The following TRAP1 variants were observed in gnomAD, a reference collection of about 807,000 sequenced individuals.
TRAP1 encodes the protein heat shock protein 75 kDa, mitochondrial.
In TRAP1, 102 loss-of-function variants were observed where a neutral mutation model predicts 89.1. That is an observed-to-expected ratio of 1.15 (90% CI 0.98 to 1.35). TRAP1 has a LOEUF of 1.35. Among genes scored for constraint, TRAP1 ranks in the 40% most tolerant of loss-of-function variants. The pLI, the probability that TRAP1 is intolerant of heterozygous loss-of-function variation, is 0.00. For synonymous variants in TRAP1, 508 were observed against 388.0 expected (o/e 1.31, Z -3.64); for missense variants, 1,256 against 945.3 (o/e 1.33, Z -4.31).
Position 3,679,873 on chromosome 16 carries a change from T to A in TRAP1, c.472-83A>T, listed in dbSNP as rs1034528932. On this transcript the variant is annotated intron_variant, in intron 4 of 17. Transcript: ENST00000246957. Reference sequence around the variant, plus strand: ...GCACCAGCAGTCCCAGGGACTCAAGTGGTGTCAATGACATTGGCCAGACAG... The same window carrying A: ...GCACCAGCAGTCCCAGGGACTCAAGAGGTGTCAATGACATTGGCCAGACAG... 2.2e-6 allele frequency: 3 copies of A among 1,380,606 alleles called. No individual in the cohort carries two copies. In the African/African-American group the frequency reaches 4.3e-5, roughly 20 times the overall value. The allele number at this position is 1,380,606 out of a possible 1,614,324, so 85.5% of individuals were successfully genotyped here. A position where few individuals can be genotyped will look rare whatever the true frequency, so the allele number is the denominator to read the frequency against.
chr16:3,666,467 C>A (rs1230567833), intron 11 of TRAP1, among the ~76,000 whole-genome samples: 3 of 151,936 alleles, frequency 2.0e-5, no homozygotes, highest in Admixed American at 2.0e-4. Context: ...GATTTATGTA[C>A]CAGGATTTTC....
At chr16:3,671,820 G>C in intron 10 of TRAP1, 29 bp from the exon 11 acceptor site, 1 of 1,607,794 alleles carries the variant, frequency 6.2e-7, no homozygotes, top group Non-Finnish European at 8.5e-7. Context: ...AGCTTCTCCC[G>C]GGGCTGCGGC....
intron 13 of TRAP1, 39 bp from the exon 14 acceptor site, chr16:3,663,601 G>GCC (rs774493428): frequency 1.2e-6 from 2 of 1,610,294 alleles, no homozygotes; most frequent in Admixed American, 1.7e-5. Context: ...GACCCCGGGG[G>GCC]CCTCCAGCCA....
chr16:3,715,852 G>A (rs2051591479), intron 1 of TRAP1, among the ~76,000 whole-genome samples: 1 of 152,098 alleles, frequency 6.6e-6, no homozygotes, highest in South Asian at 2.1e-4. Context: ...ATCACTTTCT[G>A]AGGGAAAATT....
At chr16:3,692,872 T>C (rs1207133110) in intron 1 of TRAP1, among the ~76,000 whole-genome samples, 6 of 152,164 alleles carry the variant, frequency 3.9e-5, no homozygotes. Context: ...GTGCTAGGAT[T>C]ACAGGCATGA....
At chr16:3,699,170 G>A (rs1362131046) in intron 1 of TRAP1, among the ~76,000 whole-genome samples, 1 of 152,004 alleles carries the variant, frequency 6.6e-6, no homozygotes, top group Non-Finnish European at 1.5e-5. Flanking sequence ...TGCCCATGCA[G>A]CTCCTCCACT....
chr16:3,709,255 G>T (rs575109123), intron 1 of TRAP1, among the ~76,000 whole-genome samples: 1 of 149,504 alleles, frequency 6.7e-6, no homozygotes, highest in Non-Finnish European at 1.5e-5. Context: ...AAAGAAAAAG[G>T]CCATTGGTTC....
In TRAP1 at chr16:3,662,960, C is replaced by T. The variant is rs1244689018; in HGVS notation, c.1716G>A (p.Glu572=). The change falls in exon 15 of 18, where the codon GAG becomes GAA. Residue 572 remains glutamate (E), a synonymous_variant. Transcript: ENST00000246957. ...EKFEDRSPAA[E]CLSEKETEEL... The stretch of plus-strand genomic sequence containing the variant: ...CCTCCGTCTCCTTCTCTGATAGGCA[C>T]TCGGCGGCTGCGGAAGAGCAGGCGA... The T allele has an allele frequency of 1.2e-6, 2 of 1,609,914 alleles. No homozygotes were observed. Among genetic ancestry groups the T allele is most frequent in the Non-Finnish European group, 1.7e-6 (2 of 1,179,804 alleles).
chr16:3,691,032 G>C (rs2051207608), intron 1 of TRAP1, 47 bp from the exon 2 acceptor site: 2 of 1,407,016 alleles, frequency 1.4e-6, no homozygotes, highest in Non-Finnish European at 1.9e-6. Context: ...GAAGACACGA[G>C]AAACAATATG....
chr16:3,675,491 G>C, intron 7 of TRAP1, 94 bp from the exon 8 acceptor site: 3 of 1,237,184 alleles, frequency 2.4e-6, no homozygotes, highest in Non-Finnish European at 3.5e-6. Context: ...AGCCTGCTGG[G>C]AAGGGTCCTC....
At chr16:3,700,289 T>A (rs1240478576) in intron 1 of TRAP1, among the ~76,000 whole-genome samples, 2 of 150,094 alleles carry the variant, frequency 1.3e-5, no homozygotes, top group Non-Finnish European at 3.0e-5. Context: ...TGCCTCAGCC[T>A]CCCGAGTAGC....
At chr16:3,663,001 TGCATCCC>T (rs778879957) in intron 14 of TRAP1, 34 bp from the exon 15 acceptor site, 1 of 1,544,492 alleles carries the variant, frequency 6.5e-7, no homozygotes, top group Non-Finnish European at 8.7e-7. Flanking sequence ...AGCTCAGGCC[TGCATCCC>T]AACTCCCCGG....
At chr16:3,705,953 A>G (rs1245276386) in intron 1 of TRAP1, among the ~76,000 whole-genome samples, 2 of 150,736 alleles carry the variant, frequency 1.3e-5, no homozygotes, top group African/African-American at 4.9e-5. Flanking sequence ...TCGGCCTCCC[A>G]AAGTGCTGGG....
Position 3,710,875 on chromosome 16 carries a change from A to ATTTTTT in TRAP1, c.88+6545_88+6546insAAAAAA, listed in dbSNP as rs1463164560. On this transcript the variant is annotated intron_variant, in intron 1 of 17. Transcript: ENST00000246957. ...TGTGTGTGTATATATATATATATATATATATTTTTTTTTTTGAGACACTGT... is the reference window on the plus strand; with the variant it reads ...TGTGTGTGTATATATATATATATATATTTTTTTATATTTTTTTTTTTGAGACACTGT... Among the ~76,000 whole-genome samples the ATTTTTT allele has an allele frequency of 4.6e-3, 272 of 59,086 alleles. 5 individuals are homozygous for ATTTTTT. Among genetic ancestry groups the ATTTTTT allele is most frequent in the African/African-American group, 0.018 (263 of 14,840 alleles). The allele number at this position is 59,086 out of a possible 152,430, so 38.8% of individuals were successfully genotyped here. A position where few individuals can be genotyped will look rare whatever the true frequency, so the allele number is the denominator to read the frequency against.
chr16:3,665,693 G>A (rs958808098), intron 12 of TRAP1, among the ~76,000 whole-genome samples: 2 of 152,174 alleles, frequency 1.3e-5, no homozygotes, highest in African/African-American at 2.4e-5. Flanking sequence ...GTGTGTGCAC[G>A]CCCTCTTCCT....
intron 16 of TRAP1, 162 bp downstream of exon 16, chr16:3,661,825 T>A (rs2043092887): frequency 2.2e-6 from 2 of 925,760 alleles, no homozygotes; most frequent in Non-Finnish European, 2.9e-6. Flanking sequence ...AGGTTCCATT[T>A]CACATGGGTG....
Position 3,671,701 on chromosome 16 carries a change from TC to T in TRAP1, c.1235+20del. 6.2e-7 allele frequency: 1 copy of T among 1,610,708 alleles called. No homozygotes were observed. ...GGGCCTTGTCCCCAGCAGGGTCCTC[TC>T]CCCGCGGCCCGAGGCTCACCTGATG... On this transcript the variant is annotated intron_variant, in intron 11 of 17. Coordinates refer to ENST00000246957, the MANE Select transcript of TRAP1 (RefSeq NM_016292.3).
chr16:3,661,132 C>G (rs1035482614), intron 16 of TRAP1: 1 of 151,892 alleles, frequency 6.6e-6, no homozygotes, highest in Non-Finnish European at 1.5e-5. Context: ...TTAAAATACC[C>G]CATAAGACAC....
chr16:3,715,071 G>T (rs1196076919), intron 1 of TRAP1, among the ~76,000 whole-genome samples: 5 of 152,214 alleles, frequency 3.3e-5, no homozygotes, highest in African/African-American at 1.2e-4. Context: ...CCATTTCTTA[G>T]ACTCAGGCAG....
Sources: allele counts gnomAD v4.1 joint callset (sites outside exome capture counted in the v4.1 genomes callset), GRCh38; gene constraint gnomAD v4.1.1; transcripts MANE v1.5; gene names NCBI Gene and HGNC (gene_info 2026-07-23, HGNC 2026-07-21).